PTPRC: variants seen among roughly 807,000 people sequenced by gnomAD.
The protein encoded by PTPRC is protein tyrosine phosphatase receptor type C, also known as receptor-type tyrosine-protein phosphatase C.
PTPRC carries 44 observed loss-of-function variants against 155.9 expected under a neutral mutation model. The ratio of observed to expected loss-of-function variants is 0.28; its 90% CI spans 0.22 to 0.36. The LOEUF is 0.36. PTPRC is among the 10% of genes least tolerant of loss of function. The pLI, the probability that PTPRC is intolerant of heterozygous loss-of-function variation, is 1.00. For synonymous variants in PTPRC, 525 were observed against 533.1 expected, an observed-to-expected ratio of 0.98 and a Z score of 0.21; for missense variants, 1,401 against 1,564.6, an observed-to-expected ratio of 0.90 and a Z score of 1.76.
intron 2 of PTPRC, among the ~76,000 whole-genome samples, chr1:198,688,111 G>T (rs2102354939): frequency 1.3e-5 from 2 of 151,800 alleles, no homozygotes; most frequent in South Asian, 4.1e-4. Context: ...GTGTGTGTGT[G>T]CACGCACATA....
In PTPRC at chr1:198,739,625, A is replaced by T. The variant is rs148719427; in HGVS notation, c.2404-2244A>T. ...AGAGAGAGATAGACTCCAATACAATAATAGTTGGAGACTTCAACACTCTAC... is the reference window on the plus strand; with the variant it reads ...AGAGAGAGATAGACTCCAATACAATTATAGTTGGAGACTTCAACACTCTAC... On this transcript the variant is annotated intron_variant, in intron 23 of 32. Transcript: ENST00000442510. Among the ~76,000 whole-genome samples the T allele has an allele frequency of 6.4e-3, 973 of 151,974 alleles. 7 individuals carry two copies. The highest frequency in any genetic ancestry group is 0.011 in the Non-Finnish European group (719 of 67,878).
intron 17 of PTPRC, among the ~76,000 whole-genome samples, chr1:198,731,185 G>A (rs1331195991): frequency 6.6e-6 from 1 of 151,892 alleles, no homozygotes; most frequent in Non-Finnish European, 1.5e-5. Context: ...GGGTATAAGG[G>A]TATTAATCAT....
intron 2 of PTPRC, among the ~76,000 whole-genome samples, chr1:198,683,270 C>T (rs1418843339): frequency 1.3e-5 from 2 of 152,120 alleles, no homozygotes; most frequent in African/African-American, 4.8e-5. Context: ...CTGTTGATAG[C>T]ACCAAATACA....
chr1:198,734,914 C>G (rs1654556718), intron 22 of PTPRC, among the ~76,000 whole-genome samples: 1 of 151,470 alleles, frequency 6.6e-6, no homozygotes, highest in Non-Finnish European at 1.5e-5. Context: ...GATCATCCTG[C>G]TAAAAAGTAT....
At chr1:198,731,836 A>G (rs1571877963) in intron 18 of PTPRC, 110 bp downstream of exon 18, 1 of 845,340 alleles carries the variant, frequency 1.2e-6, no homozygotes, top group Non-Finnish European at 2.0e-6. Flanking sequence ...TGATATTGCA[A>G]CATAAGCAAA....
intron 2 of PTPRC, among the ~76,000 whole-genome samples, chr1:198,647,497 T>C (rs1020720604): frequency 6.6e-6 from 1 of 151,934 alleles, no homozygotes; most frequent in Non-Finnish European, 1.5e-5. Context: ...TTCTACATAA[T>C]AGAAAATTTG....
intron 2 of PTPRC, among the ~76,000 whole-genome samples, chr1:198,672,630 C>G (rs890430129): frequency 2.7e-5 from 4 of 147,226 alleles, no homozygotes; most frequent in Non-Finnish European, 4.5e-5. Context: ...CCACCATGCC[C>G]AGCTATTTTT....
At chr1:198,678,659 T>C (rs1665101859) in intron 2 of PTPRC, among the ~76,000 whole-genome samples, 1 of 152,168 alleles carries the variant, frequency 6.6e-6, no homozygotes, top group African/African-American at 2.4e-5. Flanking sequence ...CCTCTGGTTG[T>C]CTAGGTGAGC....
chr1:198,747,060 C>T (rs773560805), intron 26 of PTPRC, among the ~76,000 whole-genome samples: 4 of 151,552 alleles, frequency 2.6e-5, no homozygotes, highest in Non-Finnish European at 5.9e-5. Flanking sequence ...ACATGAGGAG[C>T]CTTCTCAGTT....
At chr1:198,715,218 G>A (rs902011601) in intron 12 of PTPRC, among the ~76,000 whole-genome samples, 12 of 152,014 alleles carry the variant, frequency 7.9e-5, no homozygotes, top group Non-Finnish European at 1.5e-4. Context: ...CGCCTCCCAG[G>A]TTCACGCCAT....
chr1:198,714,618 C>G (rs1393160276), intron 12 of PTPRC, among the ~76,000 whole-genome samples: 1 of 152,182 alleles, frequency 6.6e-6, no homozygotes, highest in Non-Finnish European at 1.5e-5. Context: ...ATAAAGGGCT[C>G]TTTGGAGCCA....
Position 198,706,895 on chromosome 1 carries a change from A to G in PTPRC, c.847A>G (p.Ile283Val), listed in dbSNP as rs1240486262. 1 of 1,613,432 alleles carries G rather than the reference A, an allele frequency of 6.2e-7. No individual in the cohort carries two copies. Among genetic ancestry groups the G allele is most frequent in the Non-Finnish European group, 8.5e-7 (1 of 1,179,394 alleles). Residue 283 changes from isoleucine to valine, a missense_variant, in exon 9 of 33, where the codon ATA (isoleucine) becomes GTA (valine). By Grantham distance (29) the Ile-to-Val change is conservative. Coordinates refer to ENST00000442510, the MANE Select transcript of PTPRC (RefSeq NM_002838.5). ...AGAATGTAAAAATGCGTCTGTTTCC[A>G]TATCTCATAATTCATGTACTGCTCC... ...LTECKNASVS[I>V]SHNSCTAPDK...
chr1:198,699,954 G>A, intron 5 of PTPRC: 1 of 579,536 alleles, frequency 1.7e-6, no homozygotes, highest in Non-Finnish European at 3.0e-6. Flanking sequence ...ATTCAGAATA[G>A]TCTATTTTTT....
intron 8 of PTPRC, 110 bp from the exon 9 acceptor site, chr1:198,706,624 T>C: frequency 8.1e-7 from 1 of 1,237,068 alleles, no homozygotes; most frequent in African/African-American, 1.5e-5. Flanking sequence ...TTTTTTCTTT[T>C]TCATGTTTTT....
intron 14 of PTPRC, among the ~76,000 whole-genome samples, chr1:198,721,477 A>G (rs1168388630): frequency 6.6e-6 from 1 of 152,158 alleles, no homozygotes; most frequent in East Asian, 1.9e-4. Context: ...TTCACATGAA[A>G]TGTAATCAAT....
chr1:198,658,466 A>C (rs1463528847), intron 2 of PTPRC, among the ~76,000 whole-genome samples: 1 of 152,196 alleles, frequency 6.6e-6, no homozygotes, highest in African/African-American at 2.4e-5. Context: ...CAATGTATAC[A>C]TACCTCCTTG....
intron 15 of PTPRC, among the ~76,000 whole-genome samples, chr1:198,726,626 C>G (rs1267292362): frequency 6.6e-6 from 1 of 152,096 alleles, no homozygotes; most frequent in African/African-American, 2.4e-5. Context: ...GTATGAGTTT[C>G]CAGTTACAGA....
At chr1:198,693,310 C>T (rs915722127) in intron 3 of PTPRC, 11 of 288,048 alleles carry the variant, frequency 3.8e-5, no homozygotes, top group Admixed American at 1.9e-4. Flanking sequence ...AATTTTACAG[C>T]GTTTAGCATG....
At chr1:198,639,741 G>C (rs945124995) in intron 2 of PTPRC, among the ~76,000 whole-genome samples, 12 of 151,862 alleles carry the variant, frequency 7.9e-5, no homozygotes, top group Non-Finnish European at 1.5e-4. Flanking sequence ...CTTTTAAAAA[G>C]TCATAAAACA....
Sources: gnomAD v4.1 joint callset for allele counts (sites outside exome capture counted in the v4.1 genomes callset) on GRCh38, gnomAD v4.1.1 for gene constraint, MANE v1.5 for transcripts, NCBI Gene and HGNC (gene_info 2026-07-23, HGNC 2026-07-21) for gene names.